Variants in ITGA11 observed in about 807,000 individuals in gnomAD.
ITGA11 encodes integrin subunit alpha 11.
A neutral mutation model predicts 141.9 loss-of-function variants in ITGA11; 97 were observed. That is an observed-to-expected ratio of 0.68 (90% CI 0.58 to 0.81). The LOEUF (loss-of-function observed/expected upper bound fraction) is 0.81. Among genes scored for constraint, ITGA11 ranks in the 30% least tolerant of loss-of-function variants. The pLI is 0.00. For synonymous variants in ITGA11, 658 were observed against 624.6 expected, an observed-to-expected ratio of 1.05 and a Z score of -0.80; for missense variants, 1,387 against 1,559.2, an observed-to-expected ratio of 0.89 and a Z score of 1.86.
In ITGA11 at chr15:68,303,096, T is replaced by G. The variant is rs1405894303; in HGVS notation, c.3530A>C (p.Glu1177Ala). ...TTTGGGGGTGGGGTCCAGACCAGGC[T>G]CCCTCCTGCGCCTGGCACTTCTAAA... ...GFFRSARRRR[E>A]PGLDPTPKVL... Residue 1177 changes from glutamate to alanine, a missense_variant, in exon 30 of 30, where the codon GAG becomes GCG. Transcript: ENST00000315757. The surrounding 1 kb of genome is among the most constrained non-coding windows in gnomAD (Gnocchi z 5.3). 5.2e-6 allele frequency: 8 copies of G among 1,550,790 alleles called. No homozygotes were observed. The African/African-American group carries it at 1.1e-4, about 21-fold the overall frequency.
At position 68,321,418 on chromosome 15, in the gene ITGA11, A is replaced by G. The variant is rs1428546809; in HGVS notation, c.2408T>C (p.Met803Thr). 11 of 1,567,136 alleles carry G rather than the reference A, an allele frequency of 7.0e-6. No individual in the cohort carries two copies. The highest frequency in any genetic ancestry group is 9.5e-6 in the Non-Finnish European group (11 of 1,154,998). ...GTGGGGGTGGAAGGAGCCAACTCAC[A>G]TGGCCGTGGGCAGGTCACTCCGGGC... ...LDARSDLPTAMEYCQRVLRKP... is the reference protein window; with the variant it reads ...LDARSDLPTATEYCQRVLRKP... The change falls in exon 19 of 30, where the codon ATG becomes ACG. Residue 803 changes from methionine to threonine, a missense_variant and splice_region_variant. Met to Thr is a moderately conservative substitution (Grantham distance 81). Coordinates refer to ENST00000315757, the MANE Select transcript of ITGA11 (RefSeq NM_001004439.2). The surrounding 1 kb of genome is among the most constrained non-coding windows in gnomAD (Gnocchi z 4.9).
chr15:68,425,703 T>C (rs1897127275), intron 1 of ITGA11, among the ~76,000 whole-genome samples: 1 of 152,228 alleles, frequency 6.6e-6, no homozygotes, highest in Non-Finnish European at 1.5e-5. Flanking sequence ...CTACGCCCAC[T>C]TGCCCATTTC....
At chr15:68,311,602 G>A (rs1893389172) in intron 24 of ITGA11, among the ~76,000 whole-genome samples, 199 bp from the exon 25 acceptor site, 1 of 152,188 alleles carries the variant, frequency 6.6e-6, no homozygotes. Flanking sequence ...ATGGACAAGT[G>A]CAAGAAAGCC....
At chr15:68,345,365 A>G (rs937370985) in intron 10 of ITGA11, among the ~76,000 whole-genome samples, 1 of 152,124 alleles carries the variant, frequency 6.6e-6, no homozygotes, top group African/African-American at 2.4e-5. Context: ...CCAATGGCTC[A>G]GACGTTTTGC....
chr15:68,331,962 G>A lies in ITGA11; in HGVS notation c.1667C>T (p.Ser556Phe). ...IASVRDLNQD[S>F]YNDVVVGAPL... ...GGCTCCCACCACCACGTCATTGTAGGAATCCTGGTTGAGGTCTCGAACTGA... is the reference window on the plus strand; with the variant it reads ...GGCTCCCACCACCACGTCATTGTAGAAATCCTGGTTGAGGTCTCGAACTGA... Residue 556 changes from serine to phenylalanine, a missense_variant, in exon 14 of 30, where the codon TCC becomes TTC. Coordinates refer to ENST00000315757, the MANE Select transcript of ITGA11 (RefSeq NM_001004439.2). 2 of 1,613,420 alleles carry A rather than the reference G, an allele frequency of 1.2e-6. No individual in the cohort carries two copies. Among genetic ancestry groups the A allele is most frequent in the Non-Finnish European group, 1.7e-6 (2 of 1,179,712 alleles).
chr15:68,361,709 G>A lies in ITGA11; in HGVS notation c.358-5C>T. The A allele has an allele frequency of 1.3e-6, 2 of 1,587,062 alleles. No homozygotes were observed. Among genetic ancestry groups the A allele is most frequent in the Non-Finnish European group, 1.7e-6 (2 of 1,163,324 alleles). On this transcript the variant is annotated splice_polypyrimidine_tract_variant and splice_region_variant and intron_variant, in intron 4 of 29. Transcript: ENST00000315757. ...AGACCAGAGGGGGCTGCAGGCCTGG[G>A]GAGGGCAGTGCAGATCCCCAGTCAG... is the stretch of plus-strand genomic sequence containing the variant.
At chr15:68,360,247 G>A (rs1895198119) in intron 5 of ITGA11, among the ~76,000 whole-genome samples, 1 of 152,194 alleles carries the variant, frequency 6.6e-6, no homozygotes. Context: ...GGCAGCAGTG[G>A]GGGTGACCAA....
intron 1 of ITGA11, among the ~76,000 whole-genome samples, chr15:68,413,737 T>C (rs1288626859): frequency 1.3e-5 from 2 of 152,212 alleles, no homozygotes; most frequent in African/African-American, 2.4e-5. Flanking sequence ...TGACTTCCAG[T>C]TGTCGGCACT....
chr15:68,349,031 G>C, intron 9 of ITGA11, 131 bp from the exon 10 acceptor site: 3 of 706,060 alleles, frequency 4.2e-6, no homozygotes, highest in Non-Finnish European at 7.2e-6. Flanking sequence ...TCGAGGGGGG[G>C]CTCTGAAGCT....
intron 2 of ITGA11, among the ~76,000 whole-genome samples, chr15:68,382,745 A>T (rs748815868): frequency 5.3e-5 from 8 of 151,910 alleles, no homozygotes; most frequent in Non-Finnish European, 8.8e-5. Context: ...GGCTTTTTCT[A>T]CAACTCTCTT....
intron 4 of ITGA11, among the ~76,000 whole-genome samples, chr15:68,364,353 T>A (rs1895347511): frequency 1.3e-5 from 2 of 152,280 alleles, no homozygotes; most frequent in South Asian, 4.1e-4. Context: ...GACAACTAGC[T>A]CCCCAAGGAA....
intron 12 of ITGA11, among the ~76,000 whole-genome samples, chr15:68,334,256 G>A (rs1484567891): frequency 5.3e-5 from 8 of 152,360 alleles, no homozygotes; most frequent in Non-Finnish European, 8.8e-5. Context: ...CGCCCTGTTC[G>A]TGGACAAGCC....
At chr15:68,390,846 G>T (rs1896102098) in intron 2 of ITGA11, among the ~76,000 whole-genome samples, 1 of 152,218 alleles carries the variant, frequency 6.6e-6, no homozygotes, top group African/African-American at 2.4e-5. Context: ...TTCTCCCAAG[G>T]TTCTTCTTCC....
intron 1 of ITGA11, among the ~76,000 whole-genome samples, chr15:68,427,764 G>T (rs1279319842): frequency 6.6e-6 from 1 of 152,138 alleles, no homozygotes; most frequent in South Asian, 2.1e-4. Context: ...CTGCATGATG[G>T]GGTTGTGGAG....
chr15:68,303,826 G>C lies in ITGA11; in HGVS notation c.3441C>G (p.Gly1147=). The C allele has an allele frequency of 6.2e-7, 1 of 1,613,316 alleles. No individual in the cohort carries two copies. Among genetic ancestry groups the C allele is most frequent in the South Asian group, 1.1e-5 (1 of 91,024 alleles). Reference sequence around the variant, plus strand: ...GCAGTAGGAGGCCCCCCAGGGTGCTGCCTACAATGATCCAGATGGGGACCT... The same window carrying C: ...GCAGTAGGAGGCCCCCCAGGGTGCTCCCTACAATGATCCAGATGGGGACCT... The part of the protein sequence containing the change: ...DWQVPIWIIV[G]STLGGLLLLA... The change falls in exon 29 of 30, where the codon GGC becomes GGG. Residue 1147 remains glycine, a synonymous_variant. Transcript: ENST00000315757. The surrounding 1 kb of genome is among the most constrained non-coding windows in gnomAD (Gnocchi z 5.3).
At chr15:68,373,841 G>T (rs895441772) in intron 2 of ITGA11, among the ~76,000 whole-genome samples, 1 of 152,172 alleles carries the variant, frequency 6.6e-6, no homozygotes, top group African/African-American at 2.4e-5. Context: ...GACAGTGGGA[G>T]AGCTGAGAGA....
intron 28 of ITGA11, among the ~76,000 whole-genome samples, chr15:68,306,282 A>C (rs1051335777): frequency 3.3e-5 from 5 of 151,752 alleles, no homozygotes; most frequent in African/African-American, 1.2e-4. Context: ...GTCACCTAAA[A>C]GACAAGCATC....
intron 24 of ITGA11, 144 bp from the exon 25 acceptor site, chr15:68,311,547 A>G: frequency 1.6e-6 from 1 of 625,368 alleles, no homozygotes; most frequent in Non-Finnish European, 2.9e-6. Context: ...TGGTGTTTTC[A>G]CCATGGAAGC....
chr15:68,325,127 G>A lies in ITGA11; in HGVS notation c.2322+4C>T, dbSNP rs374643758. ...CGAGGTGCGTGCCCTGTACCGAGAT[G>A]TACCGAGACTCTGAGAGTGGTGGGC... On this transcript the variant is annotated splice_donor_region_variant and intron_variant, in intron 18 of 29. Transcript: ENST00000315757. This position sits in a 1 kb window ranked among gnomAD's most constrained non-coding sequence, Gnocchi z 5.5. 18 of 1,609,894 alleles carry A rather than the reference G, an allele frequency of 1.1e-5. No homozygotes were observed. Among genetic ancestry groups the A allele is most frequent in the Admixed American group, 5.0e-5 (3 of 60,000 alleles).
Sources: allele counts gnomAD v4.1 joint callset (sites outside exome capture counted in the v4.1 genomes callset), GRCh38; gene constraint gnomAD v4.1.1; non-coding constraint Gnocchi (gnomAD v3.1); transcripts MANE v1.5; gene names NCBI Gene and HGNC (gene_info 2026-07-23, HGNC 2026-07-21).